PLA2G4D: variants seen among roughly 807,000 people sequenced by gnomAD.
PLA2G4D encodes phospholipase A2 group IVD.
In PLA2G4D, 80 loss-of-function variants were observed where a neutral mutation model predicts 94.4. That is an observed-to-expected ratio of 0.85 (90% CI 0.71 to 1.02). PLA2G4D has a LOEUF of 1.02. Ranked by LOEUF, PLA2G4D falls within the 50% of genes least tolerant of loss-of-function variation. The pLI, the probability that PLA2G4D is intolerant of heterozygous loss-of-function variation, is 0.00. For missense variants in PLA2G4D, 1,050 were observed against 1,034.7 expected (o/e 1.01, Z -0.20); for synonymous variants, 438 against 440.9 (o/e 0.99, Z 0.08).
chr15:42,093,508 G>A (rs1406502768), intron 1 of PLA2G4D, among the ~76,000 whole-genome samples: 1 of 152,192 alleles, frequency 6.6e-6, no homozygotes, highest in Admixed American at 6.5e-5. Context: ...GCCTGCATCC[G>A]TGGACTCCCC....
At position 42,070,702 on chromosome 15, in the gene PLA2G4D, G is replaced by C. The variant is rs773277567; in HGVS notation, c.2043+15C>G. On this transcript the variant is annotated intron_variant, in intron 18 of 19. Transcript: ENST00000290472. The stretch of plus-strand genomic sequence containing the variant: ...CTGGCTGGGCAGAGGGGTTCCCCTG[G>C]GGTGACCAGGGTACCTCGAAGGGCG... 6.4e-7 allele frequency: 1 copy of C among 1,550,842 alleles called. No homozygotes were observed. Among genetic ancestry groups the C allele is most frequent in the African/African-American group, 1.4e-5 (1 of 73,092 alleles).
At chr15:42,080,857 G>A in intron 12 of PLA2G4D, 140 bp downstream of exon 12, 1 of 1,192,140 alleles carries the variant, frequency 8.4e-7, no homozygotes, top group East Asian at 2.7e-5. Context: ...TTCCTTCCTT[G>A]TGGGAAAGCT....
intron 13 of PLA2G4D, among the ~76,000 whole-genome samples, chr15:42,075,267 G>T (rs1000707863): frequency 6.6e-6 from 1 of 152,222 alleles, no homozygotes; most frequent in Non-Finnish European, 1.5e-5. Context: ...CATTACTGGA[G>T]TATCCAATGG....
At chr15:42,093,744 G>A (rs1286643765) in intron 1 of PLA2G4D, among the ~76,000 whole-genome samples, 2 of 152,196 alleles carry the variant, frequency 1.3e-5, no homozygotes, top group Admixed American at 6.5e-5. Flanking sequence ...GAAGCCCAGC[G>A]AGGTCTGCAT....
intron 12 of PLA2G4D, among the ~76,000 whole-genome samples, chr15:42,080,661 C>T (rs926214421): frequency 1.3e-5 from 2 of 152,156 alleles, no homozygotes. Flanking sequence ...TAGGATTGTC[C>T]GTTTGGAGCT....
At chr15:42,090,121 T>C (rs899566465) in intron 1 of PLA2G4D, among the ~76,000 whole-genome samples, 2 of 152,234 alleles carry the variant, frequency 1.3e-5, no homozygotes, top group African/African-American at 4.8e-5. Flanking sequence ...ACCCTGGCCC[T>C]GCCACTTACT....
chr15:42,068,766 G>A lies in PLA2G4D; in HGVS notation c.2406C>T (p.Thr802=), dbSNP rs372553469. The A allele has an allele frequency of 3.9e-5, 63 of 1,612,656 alleles. No homozygotes were observed. The highest frequency in any genetic ancestry group is 8.0e-5 in the African/African-American group (6 of 74,916). The change falls in exon 20 of 20, where the codon ACC becomes ACT. Residue 802 remains threonine, a synonymous_variant. Coordinates refer to ENST00000290472, the MANE Select transcript of PLA2G4D (RefSeq NM_178034.4). The part of the protein sequence containing the change: ...SQGAILQALR[T]ALKHRTLEAR... ...CCTCTAGAGTCCGGTGCTTCAGCGC[G>A]GTCCTCAGGGCCTGCAGGATGGCAC...
Position 42,081,461 on chromosome 15 carries a change from C to T in PLA2G4D, c.957+18G>A, listed in dbSNP as rs767382790. 5.6e-6 allele frequency: 9 copies of T among 1,610,426 alleles called. No homozygotes were observed. The highest frequency in any genetic ancestry group is 4.5e-5 in the East Asian group (2 of 44,870). On this transcript the variant is annotated intron_variant, in intron 11 of 19. Coordinates refer to ENST00000290472, the MANE Select transcript of PLA2G4D (RefSeq NM_178034.4). ...CCGTCCAGGATATCTGCACACACAT[C>T]CCTCTGCACCCCCAGACCTCATCCT... is the stretch of plus-strand genomic sequence containing the variant.
chr15:42,073,238 A>G (rs745584819), intron 13 of PLA2G4D, among the ~76,000 whole-genome samples: 7 of 152,202 alleles, frequency 4.6e-5, no homozygotes, highest in Non-Finnish European at 8.8e-5. Flanking sequence ...AGCTCAAGCA[A>G]TCCACCTGCC....
At position 42,083,789 on chromosome 15, in the gene PLA2G4D, A is replaced by G. The variant is rs756960537; in HGVS notation, c.472-10T>C. ...ATGACAGCTCTCGGGCCTGGGGAAG[A>G]CCACATCATGGGCAGGGGCCTCTGC... On this transcript the variant is annotated splice_polypyrimidine_tract_variant and intron_variant, in intron 6 of 19. Coordinates refer to ENST00000290472, the MANE Select transcript of PLA2G4D (RefSeq NM_178034.4). 1.2e-6 allele frequency: 2 copies of G among 1,613,402 alleles called. No individual in the cohort carries two copies. The highest frequency in any genetic ancestry group is 2.2e-5 in the South Asian group (2 of 91,082).
At chr15:42,082,462 CCAGA>C (rs1272700174) in intron 8 of PLA2G4D, 73 bp from the exon 9 acceptor site, 14 of 1,014,454 alleles carry the variant, frequency 1.4e-5, no homozygotes, top group South Asian at 2.6e-5. Context: ...AGACTACAAT[CCAGA>C]CAGACACATT....
intron 13 of PLA2G4D, among the ~76,000 whole-genome samples, chr15:42,076,284 A>G (rs938918924): frequency 3.3e-5 from 5 of 152,248 alleles, no homozygotes; most frequent in African/African-American, 1.2e-4. Context: ...CCCTATCCAC[A>G]TGATACCTGG....
At chr15:42,094,036 G>T (rs1890294255) in intron 1 of PLA2G4D, among the ~76,000 whole-genome samples, 1 of 152,146 alleles carries the variant, frequency 6.6e-6, no homozygotes, top group African/African-American at 2.4e-5. Flanking sequence ...GAGACACACA[G>T]GGTGATCCCA....
chr15:42,082,936 G>A (rs1386463962), intron 8 of PLA2G4D, among the ~76,000 whole-genome samples: 1 of 152,206 alleles, frequency 6.6e-6, no homozygotes, highest in Non-Finnish European at 1.5e-5. Context: ...GGCCATGTGG[G>A]CACAGATGTC....
chr15:42,075,159 G>A (rs1889894760), intron 13 of PLA2G4D, among the ~76,000 whole-genome samples: 1 of 152,146 alleles, frequency 6.6e-6, no homozygotes, highest in African/African-American at 2.4e-5. Context: ...ATATATAGGT[G>A]TCTAATAATA....
chr15:42,072,296 G>C lies in PLA2G4D; in HGVS notation c.1414C>G (p.Leu472Val). Residue 472 changes from leucine to valine, a missense_variant, in exon 14 of 20, where the codon CTG (leucine) becomes GTG (valine). Leu to Val is a conservative substitution (Grantham distance 32, BLOSUM62 1). Transcript: ENST00000290472. ...YLSLNVKENN[L>V]ETLDFKEWVE... ...GTACCCTTGAAGTCCAGTGTCTCCA[G>C]ATTGTTCTCTTTGACATTGAGGCTC... The C allele has an allele frequency of 1.2e-6, 2 of 1,613,972 alleles. No individual in the cohort carries two copies. Among genetic ancestry groups the C allele is most frequent in the Non-Finnish European group, 1.7e-6 (2 of 1,179,972 alleles).
intron 7 of PLA2G4D, 60 bp from the exon 8 acceptor site, chr15:42,083,394 TG>T: frequency 1.3e-6 from 2 of 1,560,094 alleles, no homozygotes; most frequent in Non-Finnish European, 8.6e-7. Flanking sequence ...AGCTCGGACC[TG>T]GGACAGCAGC....
chr15:42,082,343 A>G lies in PLA2G4D; in HGVS notation c.719T>C (p.Leu240Pro). The G allele has an allele frequency of 6.2e-7, 1 of 1,614,126 alleles. No individual in the cohort carries two copies. The highest frequency in any genetic ancestry group is 8.5e-7 in the Non-Finnish European group (1 of 1,180,014). ...GWNGDNSAGY[L>P]TVPLRPLTIG... ...GGTCAAGGGCCTCAGGGGCACAGTG[A>G]GGTACCCAGCTGAGTTGTCCCCATT... is the stretch of plus-strand genomic sequence containing the variant. The change falls in exon 9 of 20, where the codon CTC (leucine) becomes CCC (proline). Residue 240 changes from leucine to proline, a missense_variant. Coordinates refer to ENST00000290472, the MANE Select transcript of PLA2G4D (RefSeq NM_178034.4).
Position 42,084,874 on chromosome 15 carries a change from T to G in PLA2G4D, c.471+222A>C, listed in dbSNP as rs1890110392. On this transcript the variant is annotated intron_variant, in intron 6 of 19. Coordinates refer to ENST00000290472, the MANE Select transcript of PLA2G4D (RefSeq NM_178034.4). This position sits in a 1 kb window ranked among gnomAD's most constrained non-coding sequence, Gnocchi z 4.8. ...CGAACAGCCGTGGGCCAGAACCTCC[T>G]CTCAGCAGAGCCCTGCCTCCCCTCT... Among the ~76,000 whole-genome samples the G allele has an allele frequency of 6.6e-6, 1 of 152,094 alleles. No homozygotes were observed. Among genetic ancestry groups the G allele is most frequent in the Non-Finnish European group, 1.5e-5 (1 of 67,998 alleles).
Sources: allele counts gnomAD v4.1 joint callset (sites outside exome capture counted in the v4.1 genomes callset), GRCh38; gene constraint gnomAD v4.1.1; non-coding constraint Gnocchi (gnomAD v3.1); transcripts MANE v1.5; gene names NCBI Gene and HGNC (gene_info 2026-07-23, HGNC 2026-07-21).